The following PHKB variants were observed in gnomAD, a reference collection of about 807,000 sequenced individuals.
The protein encoded by PHKB is phosphorylase b kinase regulatory subunit beta.
A neutral mutation model predicts 152.1 loss-of-function variants in PHKB; 122 were observed. The observed-to-expected ratio is 0.80, with a 90% CI of 0.69 to 0.93. The LOEUF (loss-of-function observed/expected upper bound fraction) is 0.93, where lower values mean the gene tolerates loss of function less well. Ranked by LOEUF, PHKB falls within the 40% of genes least tolerant of loss-of-function variation. The pLI, the probability that PHKB is intolerant of heterozygous loss-of-function variation, is 0.00. For missense variants in PHKB, 1,304 were observed against 1,328.4 expected (o/e 0.98, Z 0.29); for synonymous variants, 436 against 464.9 (o/e 0.94, Z 0.80).
At chr16:47,622,130 A>G (rs577738321) in intron 14 of PHKB, among the ~76,000 whole-genome samples, 1 of 152,300 alleles carries the variant, frequency 6.6e-6, no homozygotes, top group East Asian at 1.9e-4. Flanking sequence ...AAAGATATAC[A>G]AGGATTATTA....
intron 24 of PHKB, 186 bp downstream of exon 24, chr16:47,663,920 T>C (rs1973490216): frequency 3.2e-6 from 2 of 628,876 alleles, no homozygotes; most frequent in Non-Finnish European, 5.7e-6. Context: ...TCCACCAAAA[T>C]TCTGAGAACA....
intron 26 of PHKB, 42 bp from the exon 27 acceptor site, chr16:47,688,999 T>C (rs780957012): frequency 6.2e-7 from 1 of 1,610,536 alleles, no homozygotes; most frequent in South Asian, 1.1e-5. Flanking sequence ...GGTGATTTTA[T>C]TTCAAGAGTT....
chr16:47,570,828 T>C (rs1971645720), intron 7 of PHKB, among the ~76,000 whole-genome samples: 1 of 152,148 alleles, frequency 6.6e-6, no homozygotes, highest in African/African-American at 2.4e-5. Context: ...TAGTATGTAT[T>C]GGGGAGGGGG....
intron 26 of PHKB, among the ~76,000 whole-genome samples, chr16:47,684,770 G>A (rs994620573): frequency 6.7e-5 from 10 of 148,536 alleles, no homozygotes; most frequent in South Asian, 4.2e-4. Context: ...GCAAGACTCC[G>A]TCTCAAAAAA....
chr16:47,672,441 G>T (rs1034570837), intron 26 of PHKB, among the ~76,000 whole-genome samples: 3 of 152,124 alleles, frequency 2.0e-5, no homozygotes, highest in African/African-American at 7.2e-5. Flanking sequence ...TGGTATAAAA[G>T]TACTCTATTG....
In PHKB at chr16:47,566,765, T is replaced by C. The variant is rs572687504; in HGVS notation, c.711-13530T>C. 1.2e-4 allele frequency: 90 copies of C among 746,200 alleles called. 1 individual carries two copies. Among genetic ancestry groups the C allele is most frequent in the South Asian group, 1.2e-3 (88 of 74,220 alleles). 46.2% of individuals were successfully genotyped at this position (746,200 alleles called of 1,614,324 possible). ...TTGAAATATCTCCTTCCAGGTCATCTGTTTCATGAGCCCAGCTGACTGGTT... is the reference window on the plus strand; with the variant it reads ...TTGAAATATCTCCTTCCAGGTCATCCGTTTCATGAGCCCAGCTGACTGGTT... On this transcript the variant is annotated intron_variant, in intron 7 of 30. Transcript: ENST00000323584.
At chr16:47,620,965 A>G (rs1304265435) in intron 14 of PHKB, among the ~76,000 whole-genome samples, 1 of 152,162 alleles carries the variant, frequency 6.6e-6, no homozygotes, top group Admixed American at 6.5e-5. Flanking sequence ...TAAAGTGTAA[A>G]GAATTTTGAT....
chr16:47,533,796 G>A (rs1479299230), intron 6 of PHKB, among the ~76,000 whole-genome samples: 2 of 152,254 alleles, frequency 1.3e-5, no homozygotes, highest in South Asian at 2.1e-4. Flanking sequence ...AGCCACAGCT[G>A]TGCCAGAGGT....
chr16:47,685,774 C>T (rs1158513761), intron 26 of PHKB, among the ~76,000 whole-genome samples: 1 of 148,942 alleles, frequency 6.7e-6, no homozygotes, highest in Non-Finnish European at 1.5e-5. Flanking sequence ...CAGAGTCTCA[C>T]TCTGTTGCCC....
intron 30 of PHKB, 102 bp downstream of exon 30, chr16:47,698,690 G>A: frequency 9.5e-7 from 1 of 1,053,892 alleles, no homozygotes; most frequent in Non-Finnish European, 1.3e-6. Context: ...TTATAAAACA[G>A]ATTCACAGGT....
rs61186489 is a variant in PHKB, at chr16:47,552,800, AACACACAC to A, written c.710+5277_710+5284del. ...TCACTGTGACAAAGACCCCATCTCA[AACACACAC>A]ACACACACACACACACACACACACC... is the stretch of plus-strand genomic sequence containing the variant. On this transcript the variant is annotated intron_variant, in intron 7 of 30. Coordinates refer to ENST00000323584, the MANE Select transcript of PHKB (RefSeq NM_000293.3). 3.8e-3 allele frequency among the ~76,000 whole-genome samples: 543 copies of A among 143,586 alleles called. 4 individuals are homozygous for A. Among genetic ancestry groups the A allele is most frequent in the African/African-American group, 0.012 (488 of 39,390 alleles). 94.2% of individuals were successfully genotyped at this position (143,586 alleles called of 152,430 possible). A position where few individuals can be genotyped will look rare whatever the true frequency, so the allele number is the denominator to read the frequency against.
chr16:47,672,886 G>A lies in PHKB; in HGVS notation c.2630+3469G>A, dbSNP rs539509469. Reference sequence around the variant, plus strand: ...TTTTCCTTATACTGTGTTACCCAAAGTAAAAATGTCAGGTGGCAACATGTG... The same window carrying A: ...TTTTCCTTATACTGTGTTACCCAAAATAAAAATGTCAGGTGGCAACATGTG... On this transcript the variant is annotated intron_variant, in intron 26 of 30. Coordinates refer to ENST00000323584, the MANE Select transcript of PHKB (RefSeq NM_000293.3). Among the ~76,000 whole-genome samples, 7 of 152,184 alleles carry A rather than the reference G, an allele frequency of 4.6e-5. No homozygotes were observed. The South Asian group carries it at 1.2e-3, about 27-fold the overall frequency.
Position 47,665,992 on chromosome 16 carries a change from T to C in PHKB, c.2427+1017T>C, listed in dbSNP as rs554268224. The C allele has an allele frequency of 1.9e-6, 3 of 1,613,900 alleles. No homozygotes were observed. Among genetic ancestry groups the C allele is most frequent in the Non-Finnish European group, 2.5e-6 (3 of 1,179,890 alleles). On this transcript the variant is annotated intron_variant, in intron 25 of 30. Transcript: ENST00000323584. ...CTTTTAAGTAAAGTAGTGGACAGCC[T>C]GGCCCCATCCATTACTAATGTTTTA...
At chr16:47,550,831 G>A (rs1971257723) in intron 7 of PHKB, among the ~76,000 whole-genome samples, 1 of 152,322 alleles carries the variant, frequency 6.6e-6, no homozygotes, top group South Asian at 2.1e-4. Context: ...ATTCAGGTGT[G>A]AGTCCGTCTG....
At chr16:47,523,618 T>C (rs965119345) in intron 6 of PHKB, among the ~76,000 whole-genome samples, 26 of 152,350 alleles carry the variant, frequency 1.7e-4, no homozygotes, top group Non-Finnish European at 2.9e-4. Flanking sequence ...TTACTTACTA[T>C]AGGCCCACAC....
intron 20 of PHKB, among the ~76,000 whole-genome samples, chr16:47,653,618 C>A (rs184349257): frequency 1.2e-4 from 19 of 152,038 alleles, no homozygotes; most frequent in African/African-American, 4.6e-4. Context: ...GTCATATTAA[C>A]CAGAAATCTA....
At position 47,693,402 on chromosome 16, in the gene PHKB, C is replaced by A. The variant is rs201377441; in HGVS notation, c.2790C>A (p.Ile930=). Residue 930 remains isoleucine (I), a synonymous_variant, in exon 28 of 31, where the codon ATC becomes ATA. Coordinates refer to ENST00000323584, the MANE Select transcript of PHKB (RefSeq NM_000293.3). ...NGRCWLNRRQ[I]DGSLNRTPTG... ...GATGTTGGCTGAACAGGCGTCAGAT[C>A]GATGGGTCTTTGAATAGAACTCCCA... is the stretch of plus-strand genomic sequence containing the variant. 1 of 1,613,988 alleles carries A rather than the reference C, an allele frequency of 6.2e-7. No individual in the cohort carries two copies. The highest frequency in any genetic ancestry group is 2.2e-5 in the East Asian group (1 of 44,874).
intron 1 of PHKB, among the ~76,000 whole-genome samples, chr16:47,466,988 T>G (rs1248971449): frequency 6.6e-6 from 1 of 152,206 alleles, no homozygotes; most frequent in Non-Finnish European, 1.5e-5. Flanking sequence ...CTGAGGAAGC[T>G]ATATCTTTTT....
At chr16:47,589,224 T>A in intron 10 of PHKB, 122 bp downstream of exon 10, 1 of 656,012 alleles carries the variant, frequency 1.5e-6, no homozygotes, top group Non-Finnish European at 2.6e-6. Context: ...CCTGGGCCAG[T>A]TAATTAATCT....
Sources: allele counts gnomAD v4.1 joint callset (sites outside exome capture counted in the v4.1 genomes callset), GRCh38; gene constraint gnomAD v4.1.1; transcripts MANE v1.5; gene names NCBI Gene and HGNC (gene_info 2026-07-23, HGNC 2026-07-21).